BST1: variants seen among roughly 807,000 people sequenced by gnomAD.
The protein encoded by BST1 is bone marrow stromal cell antigen 1, also known as ADP-ribosyl cyclase/cyclic ADP-ribose hydrolase 2.
In BST1, 49 loss-of-function variants were observed where a neutral mutation model predicts 40.6. The ratio of observed to expected loss-of-function variants is 1.21; its 90% CI spans 0.96 to 1.53. The LOEUF is 1.53. Ranked by LOEUF, BST1 falls within the 40% of genes most tolerant of loss-of-function variation. BST1 has a pLI of 0.00. For synonymous variants in BST1, 157 were observed against 159.3 expected (o/e 0.99, Z 0.11); for missense variants, 423 against 395.9 (o/e 1.07, Z -0.58).
At position 15,711,908 on chromosome 4, in the gene BST1, CTG is replaced by C; in HGVS notation, c.534+20_534+21del. The C allele has an allele frequency of 1.2e-6, 2 of 1,604,532 alleles. No homozygotes were observed. The highest frequency in any genetic ancestry group is 1.7e-6 in the Non-Finnish European group (2 of 1,171,502). On this transcript the variant is annotated intron_variant, in intron 4 of 8. Transcript: ENST00000265016. Reference sequence around the variant, plus strand: ...CATCCAGGTAATGCTGGGATGATATCTGAGTGGTTGAGCATGTGTGGGACCCA... The same window carrying C: ...CATCCAGGTAATGCTGGGATGATATCAGTGGTTGAGCATGTGTGGGACCCA...
the BST1 span, among the ~76,000 whole-genome samples, chr4:15,763,650 A>C: frequency 6.6e-6 from 1 of 152,038 alleles, no homozygotes; most frequent in Admixed American, 6.5e-5. Context: ...ATTTACTGTC[A>C]GGAAACAAAA....
chr4:15,705,034 C>CT (rs1235628317), intron 1 of BST1: 6 of 723,652 alleles, frequency 8.3e-6, no homozygotes, highest in Non-Finnish European at 1.5e-5. Context: ...TCAAGAGGGG[C>CT]TTGCACTGGA....
intron 6 of BST1, among the ~76,000 whole-genome samples, chr4:15,716,728 A>T (rs145379687): frequency 6.6e-6 from 1 of 152,188 alleles, no homozygotes; most frequent in Non-Finnish European, 1.5e-5. Context: ...CATGCATGAA[A>T]AACGTGTATC....
chr4:15,724,326 A>G (rs1015307053), intron 8 of BST1, among the ~76,000 whole-genome samples: 2 of 152,238 alleles, frequency 1.3e-5, no homozygotes, highest in Non-Finnish European at 2.9e-5. Context: ...GTGCACAGTA[A>G]CTATATGCTA....
intron 8 of BST1, chr4:15,730,976 G>A: frequency 4.1e-6 from 2 of 487,144 alleles, no homozygotes; most frequent in South Asian, 5.3e-5. Flanking sequence ...TATAGGCACT[G>A]GGGCTTGCCT....
At chr4:15,768,478 ATCT>A in the BST1 span, among the ~76,000 whole-genome samples, 1 of 137,610 alleles carries the variant, frequency 7.3e-6, no homozygotes, top group Non-Finnish European at 1.5e-5. Context: ...GATGGACAGT[ATCT>A]TTTTTTTTTT....
In BST1 at chr4:15,731,821, G is replaced by T; in HGVS notation, c.933G>T (p.Val311=). The T allele has an allele frequency of 6.2e-7, 1 of 1,613,458 alleles. No individual in the cohort carries two copies. The highest frequency in any genetic ancestry group is 8.5e-7 in the Non-Finnish European group (1 of 1,179,730). Residue 311 remains valine (V), a synonymous_variant, in exon 9 of 9, where the codon GTG becomes GTT. Coordinates refer to ENST00000265016, the MANE Select transcript of BST1 (RefSeq NM_004334.3). ...RAGLIIPLFL[V]LASRTQL is the part of the protein sequence containing the mutation. The stretch of plus-strand genomic sequence containing the variant: ...GTCTTATCATTCCCCTCTTTCTGGT[G>T]CTGGCTTCCAGGACTCAACTGTAAC...
the BST1 span, among the ~76,000 whole-genome samples, chr4:15,755,688 CA>C: frequency 6.6e-6 from 1 of 152,120 alleles, no homozygotes; most frequent in Non-Finnish European, 1.5e-5. Flanking sequence ...ATGTCACCTT[CA>C]GTCAATGTAG....
downstream of BST1, chr4:15,735,943 A>G: frequency 1.9e-6 from 1 of 527,692 alleles, no homozygotes; most frequent in South Asian, 2.0e-5. Flanking sequence ...CTTGAAAAAA[A>G]TCTACACAAT....
chr4:15,703,295 T>C lies in BST1; in HGVS notation c.151T>C (p.Cys51Arg), dbSNP rs1310561126. 6.5e-7 allele frequency: 1 copy of C among 1,530,716 alleles called. No homozygotes were observed. Among genetic ancestry groups the C allele is most frequent in the South Asian group, 1.2e-5 (1 of 83,936 alleles). The allele number at this position is 1,530,716 out of a possible 1,614,324, so 94.8% of individuals were successfully genotyped here. The change falls in exon 1 of 9, where the codon TGC (cysteine) becomes CGC (arginine). Residue 51 changes from cysteine to arginine, a missense_variant. Cys to Arg is a radical substitution (Grantham distance 180). Transcript: ENST00000265016. The stretch of plus-strand genomic sequence containing the variant: ...CTTGCGGGACATCTTCCTGGGCCGC[T>C]GCGCCGAGTACCGCGCACTGCTGAG... ...AHLRDIFLGR[C>R]AEYRALLSPE...
intron 6 of BST1, 34 bp from the exon 7 acceptor site, chr4:15,718,873 G>A (rs1300436345): frequency 6.3e-7 from 1 of 1,577,776 alleles, no homozygotes. Flanking sequence ...CCTCTTATTT[G>A]CTTACTTTTT....
downstream of BST1, among the ~76,000 whole-genome samples, chr4:15,740,825 C>T (rs192258406): frequency 1.7e-3 from 255 of 152,182 alleles, 1 homozygote; most frequent in African/African-American, 5.9e-3. Flanking sequence ...ACGGGGACTA[C>T]TGAATCCCTC....
chr4:15,773,288 G>T, the BST1 span, among the ~76,000 whole-genome samples: 2 of 152,224 alleles, frequency 1.3e-5, no homozygotes, highest in African/African-American at 4.8e-5. Context: ...TTGAGTAACT[G>T]CAGGAGATGT....
chr4:15,712,938 A>T (rs531881290), intron 4 of BST1, among the ~76,000 whole-genome samples: 2 of 152,144 alleles, frequency 1.3e-5, no homozygotes, highest in African/African-American at 4.8e-5. Context: ...CTCAGGGGAG[A>T]TGTCAACATT....
the BST1 span, among the ~76,000 whole-genome samples, chr4:15,745,031 T>C: frequency 6.6e-6 from 1 of 152,326 alleles, no homozygotes; most frequent in South Asian, 2.1e-4. Flanking sequence ...CAGAAAATTC[T>C]TCCAAAATTT....
In BST1 at chr4:15,703,292, C is replaced by T; in HGVS notation, c.148C>T (p.Arg50Cys). The T allele has an allele frequency of 2.0e-6, 3 of 1,531,904 alleles. No homozygotes were observed. The highest frequency in any genetic ancestry group is 2.5e-5 in the East Asian group (1 of 40,090). 94.9% of individuals were successfully genotyped at this position (1,531,904 alleles called of 1,614,324 possible). A position where few individuals can be genotyped will look rare whatever the true frequency, so the allele number is the denominator to read the frequency against. ...SAHLRDIFLG[R>C]CAEYRALLSP... Reference sequence around the variant, plus strand: ...ACACTTGCGGGACATCTTCCTGGGCCGCTGCGCCGAGTACCGCGCACTGCT... The same window carrying T: ...ACACTTGCGGGACATCTTCCTGGGCTGCTGCGCCGAGTACCGCGCACTGCT... Residue 50 changes from arginine to cysteine, a missense_variant, in exon 1 of 9, where the codon CGC becomes TGC. Arg to Cys is a radical substitution (Grantham distance 180, BLOSUM62 -3). Coordinates refer to ENST00000265016, the MANE Select transcript of BST1 (RefSeq NM_004334.3).
chr4:15,765,899 A>G, the BST1 span, among the ~76,000 whole-genome samples: 1 of 152,022 alleles, frequency 6.6e-6, no homozygotes, highest in Non-Finnish European at 1.5e-5. Context: ...TTATATGTCG[A>G]TTCCCCTTTA....
chr4:15,747,966 T>C, the BST1 span, among the ~76,000 whole-genome samples: 5,041 of 152,290 alleles, frequency 0.033, 282 homozygotes, highest in African/African-American at 0.11. Context: ...CATGAGCCAC[T>C]GTGTCCAGCC....
chr4:15,732,004 G>A lies in BST1; in HGVS notation c.*159G>A. Reference sequence around the variant, plus strand: ...GGTATTTCAATGAGGCATATGTTCAGGATTTCAGAAACAAGAAGTTAGTTC... The same window carrying A: ...GGTATTTCAATGAGGCATATGTTCAAGATTTCAGAAACAAGAAGTTAGTTC... On this transcript the variant is annotated 3_prime_UTR_variant, in exon 9 of 9. Coordinates refer to ENST00000265016, the MANE Select transcript of BST1 (RefSeq NM_004334.3). The A allele has an allele frequency of 7.5e-7, 1 of 1,336,072 alleles. No homozygotes were observed. Among genetic ancestry groups the A allele is most frequent in the Non-Finnish European group, 9.6e-7 (1 of 1,040,948 alleles). 82.8% of individuals were successfully genotyped at this position (1,336,072 alleles called of 1,614,324 possible). A position where few individuals can be genotyped will look rare whatever the true frequency, so the allele number is the denominator to read the frequency against.
Sources: gnomAD v4.1 joint callset for allele counts (sites outside exome capture counted in the v4.1 genomes callset) on GRCh38, gnomAD v4.1.1 for gene constraint, MANE v1.5 for transcripts, NCBI Gene and HGNC (gene_info 2026-07-23, HGNC 2026-07-21) for gene names.